The following PPP2R3B variants were observed in gnomAD, a reference collection of about 807,000 sequenced individuals.
PPP2R3B encodes protein phosphatase 2 regulatory subunit B''beta.
PPP2R3B carries 68 observed loss-of-function variants against 72.9 expected under a neutral mutation model. The observed-to-expected ratio is 0.93, with a 90% CI of 0.77 to 1.14. The LOEUF is 1.14. Ranked by LOEUF, PPP2R3B falls within the 50% of genes most tolerant of loss-of-function variation. The pLI is 0.00. For missense variants in PPP2R3B, 1,018 were observed against 842.0 expected (o/e 1.21, Z -2.59); for synonymous variants, 466 against 375.8 (o/e 1.24, Z -2.78).
chrX:369,861 G>A (rs1191153218), intron 1 of PPP2R3B, among the ~76,000 whole-genome samples: 1 of 152,218 alleles, frequency 6.6e-6, no homozygotes, highest in African/African-American at 2.4e-5. Flanking sequence ...CTCTGCAGCG[G>A]CCCCCACTCT....
chrX:342,281 C>A (rs2071097538), intron 7 of PPP2R3B: 1 of 441,036 alleles, frequency 2.3e-6, no homozygotes, highest in Non-Finnish European at 4.2e-6. Flanking sequence ...ACCAAAGGTT[C>A]ACCAACGGGA....
intron 2 of PPP2R3B, among the ~76,000 whole-genome samples, chrX:350,586 G>A (rs1239204787): frequency 2.6e-5 from 4 of 152,230 alleles, no homozygotes; most frequent in South Asian, 2.1e-4. Context: ...CACGGTGGCC[G>A]TAGACAAGGG....
At chrX:377,563 C>T (rs1248235044) in intron 1 of PPP2R3B, among the ~76,000 whole-genome samples, 23 of 101,932 alleles carry the variant, frequency 2.3e-4, no homozygotes, top group African/African-American at 7.5e-4. Flanking sequence ...CCAGTGGGGC[C>T]ACCATGGGGC....
intron 2 of PPP2R3B, among the ~76,000 whole-genome samples, chrX:356,298 C>T (rs1417527820): frequency 2.6e-5 from 4 of 152,222 alleles, no homozygotes; most frequent in Non-Finnish European, 4.4e-5. Flanking sequence ...TCACTGCAAC[C>T]TCCACCTCCC....
intron 1 of PPP2R3B, among the ~76,000 whole-genome samples, chrX:385,572 C>A (rs1239404324): frequency 6.6e-6 from 1 of 151,410 alleles, no homozygotes; most frequent in African/African-American, 2.4e-5. Flanking sequence ...TTGCTTGGAC[C>A]CAGGAATTCC....
chrX:385,446 A>C (rs1018334702), intron 1 of PPP2R3B, among the ~76,000 whole-genome samples: 2 of 144,634 alleles, frequency 1.4e-5, no homozygotes, highest in Admixed American at 1.5e-4. Context: ...CTGAGATTAC[A>C]GGTACATTAG....
At position 364,673 on chromosome X, in the gene PPP2R3B, GCAC is replaced by G. The variant is rs1569406216; in HGVS notation, c.325-3086_325-3084del. Among the ~76,000 whole-genome samples the G allele has an allele frequency of 2.1e-4, 22 of 105,174 alleles. 7 individuals carry two copies. The highest frequency in any genetic ancestry group is 6.5e-4 in the South Asian group (2 of 3,094). 69.0% of individuals were successfully genotyped at this position (105,174 alleles called of 152,430 possible). A position where few individuals can be genotyped will look rare whatever the true frequency, so the allele number is the denominator to read the frequency against. On this transcript the variant is annotated intron_variant, in intron 1 of 12. Transcript: ENST00000390665. ...GCGGAGGTTGCAGTGAGCTGAGATC[GCAC>G]CACTGCACTCCAGCCTGGGCGACAG...
chrX:370,634 GC>G (rs2071839259), intron 1 of PPP2R3B, among the ~76,000 whole-genome samples: 1 of 152,200 alleles, frequency 6.6e-6, no homozygotes, highest in Admixed American at 6.5e-5. Context: ...AACCCCCCTT[GC>G]TGCAGCTCCC....
Position 345,582 on chromosome X carries a change from A to C in PPP2R3B, c.970T>G (p.Trp324Gly), listed in dbSNP as rs1348517354. 6.2e-7 allele frequency: 1 copy of C among 1,613,332 alleles called. No individual in the cohort carries two copies. Among genetic ancestry groups the C allele is most frequent in the Admixed American group, 1.7e-5 (1 of 60,000 alleles). The change falls in exon 7 of 13, where the codon TGG becomes GGG. Residue 324 changes from tryptophan to glycine, a missense_variant. Trp to Gly is a radical substitution (Grantham distance 184). Transcript: ENST00000390665. ...AGGTCGTGGTCCGTGTCCAGCTCCC[A>C]GAACTTGCAGTAGATGACGTAGAAA... ...EHFYVIYCKF[W>G]ELDTDHDLLI...
intron 6 of PPP2R3B, 86 bp downstream of exon 6, chrX:346,088 G>GGAGGGGGGAGGAGGGAAGGGAAGGGA: frequency 1.6e-6 from 1 of 622,628 alleles, no homozygotes; most frequent in Non-Finnish European, 2.6e-6. Flanking sequence ...AGGGGAGGAG[G>GGAGGGGGGAGGAGGGAAGGGAAGGGA]GAGGGGGGAG....
chrX:336,285 C>T (rs985280550), intron 12 of PPP2R3B: 2 of 152,216 alleles, frequency 1.3e-5, no homozygotes, highest in Non-Finnish European at 2.9e-5. Context: ...GAAAATGACT[C>T]GGTGTAACTC....
chrX:346,404 G>C (rs1308249012), intron 5 of PPP2R3B, 144 bp from the exon 6 acceptor site: 1 of 802,958 alleles, frequency 1.2e-6, no homozygotes, highest in Non-Finnish European at 1.9e-6. Context: ...AGAGGGAAGG[G>C]CCCTGCGGGA....
rs1449924576 is a variant in PPP2R3B, at chrX:381,661, C to T, written c.324+4707G>A. ...TCACCCAGGCTGGAGTGCAGTGGCG[C>T]GATCTCAGCTCACTGCAAGCTCTGC... is the stretch of plus-strand genomic sequence containing the variant. On this transcript the variant is annotated intron_variant, in intron 1 of 12. Transcript: ENST00000390665. 3.5e-5 allele frequency among the ~76,000 whole-genome samples: 5 copies of T among 143,916 alleles called. 1 individual carries two copies. The highest frequency in any genetic ancestry group is 5.3e-5 in the African/African-American group (2 of 37,918). The allele number at this position is 143,916 out of a possible 152,430, so 94.4% of individuals were successfully genotyped here.
At chrX:350,675 G>A (rs185779952) in intron 2 of PPP2R3B, among the ~76,000 whole-genome samples, 32 of 152,372 alleles carry the variant, frequency 2.1e-4, no homozygotes, top group African/African-American at 7.5e-4. Flanking sequence ...GACACGCGCG[G>A]CTGAGACAAA....
chrX:359,421 G>C lies in PPP2R3B; in HGVS notation c.510+1984C>G, dbSNP rs770615900. 1.4e-4 allele frequency among the ~76,000 whole-genome samples: 21 copies of C among 152,330 alleles called. No individual in the cohort carries two copies. In the South Asian group the frequency reaches 1.7e-3, roughly 12 times the overall value. On this transcript the variant is annotated intron_variant, in intron 2 of 12. Coordinates refer to ENST00000390665, the MANE Select transcript of PPP2R3B (RefSeq NM_013239.5). ...GCACTGCTGTAACTACTTTTGGCAA[G>C]TTTTTACTGAGAGATGAAACAATTC...
intron 5 of PPP2R3B, 86 bp downstream of exon 5, chrX:346,615 C>A: frequency 2.2e-6 from 3 of 1,335,724 alleles, no homozygotes; most frequent in Non-Finnish European, 3.1e-6. Flanking sequence ...GCCCCGCCCG[C>A]CCCGTCCGCA....
intron 2 of PPP2R3B, among the ~76,000 whole-genome samples, chrX:356,334 G>T (rs2071434292): frequency 6.6e-6 from 1 of 152,170 alleles, no homozygotes; most frequent in South Asian, 2.1e-4. Context: ...TCCTGTCTCA[G>T]CCTCCCGAGT....
chrX:364,458 G>A (rs1306013682), intron 1 of PPP2R3B, among the ~76,000 whole-genome samples: 1 of 145,176 alleles, frequency 6.9e-6, no homozygotes, highest in Admixed American at 7.1e-5. Flanking sequence ...TGTCTGAGCT[G>A]AGGAGTTCAA....
intron 1 of PPP2R3B, among the ~76,000 whole-genome samples, chrX:362,584 T>C (rs1038941395): frequency 6.6e-6 from 1 of 151,692 alleles, no homozygotes; most frequent in Non-Finnish European, 1.5e-5. Flanking sequence ...GGAATGGGGC[T>C]GCGTCCTCCT....
Sources: gnomAD v4.1 joint callset for allele counts (sites outside exome capture counted in the v4.1 genomes callset) on GRCh38, gnomAD v4.1.1 for gene constraint, MANE v1.5 for transcripts, NCBI Gene and HGNC (gene_info 2026-07-23, HGNC 2026-07-21) for gene names.